The following ZDHHC15 variants were observed in gnomAD, a reference collection of about 807,000 sequenced individuals.
The protein encoded by ZDHHC15 is palmitoyltransferase ZDHHC15.
ZDHHC15 carries 19 observed loss-of-function variants against 31.7 expected under a neutral mutation model. That is an observed-to-expected ratio of 0.60 (90% CI 0.42 to 0.88). The LOEUF (loss-of-function observed/expected upper bound fraction) is 0.88. Ranked by LOEUF, ZDHHC15 falls within the 40% of genes least tolerant of loss-of-function variation. The pLI, the probability that ZDHHC15 is intolerant of heterozygous loss-of-function variation, is 0.00. For synonymous variants in ZDHHC15, 103 were observed against 90.0 expected (o/e 1.14, Z -0.82); for missense variants, 209 against 251.2 (o/e 0.83, Z 1.14).
intron 10 of ZDHHC15, among the ~76,000 whole-genome samples, chrX:75,405,213 AC>A (rs1405767296): frequency 9.0e-6 from 1 of 110,873 alleles, no homozygotes; most frequent in Non-Finnish European, 1.9e-5. Flanking sequence ...AAAAACAGAC[AC>A]TGGTGTCTAC....
At chrX:75,509,695 C>T (rs191095616) in intron 1 of ZDHHC15, among the ~76,000 whole-genome samples, 5 of 112,353 alleles carry the variant, frequency 4.5e-5, no homozygotes, top group East Asian at 5.6e-4. Flanking sequence ...ATCTGTAAAA[C>T]GATAAAATTG....
intron 10 of ZDHHC15, among the ~76,000 whole-genome samples, chrX:75,416,259 C>T (rs961012303): frequency 3.6e-5 from 4 of 111,678 alleles, no homozygotes; most frequent in Non-Finnish European, 7.5e-5. Flanking sequence ...TTGTTCTCTA[C>T]CGCTGCTCCC....
chrX:75,505,896 TG>T, intron 1 of ZDHHC15, 49 bp from the exon 2 acceptor site: 1 of 1,015,119 alleles, frequency 9.9e-7, no homozygotes, highest in Non-Finnish European at 1.4e-6. Context: ...CAGAGATGGA[TG>T]AGAGAGAGAG....
intron 3 of ZDHHC15, among the ~76,000 whole-genome samples, chrX:75,460,167 G>A (rs1004885431): frequency 2.7e-5 from 3 of 111,748 alleles, no homozygotes; most frequent in Non-Finnish European, 5.6e-5. Flanking sequence ...GAGCCACCAC[G>A]ACTGGCCAGA....
chrX:75,465,336 C>T (rs992548798), intron 3 of ZDHHC15, among the ~76,000 whole-genome samples: 8 of 112,138 alleles, frequency 7.1e-5, no homozygotes, highest in African/African-American at 2.6e-4. Context: ...ACATTCCATG[C>T]TCATGAGATA....
At chrX:75,509,250 A>G (rs917554113) in intron 1 of ZDHHC15, among the ~76,000 whole-genome samples, 8 of 111,892 alleles carry the variant, frequency 7.1e-5, no homozygotes, top group African/African-American at 2.6e-4. Flanking sequence ...AGAATGGGAG[A>G]AAATTTTTGC....
intron 11 of ZDHHC15, among the ~76,000 whole-genome samples, chrX:75,373,926 G>GTTTTTTTTTTTTTTTTTTGTTTTTTT: frequency 2.0e-5 from 1 of 50,456 alleles, no homozygotes; most frequent in Non-Finnish European, 3.4e-5. Context: ...CATTCTTTCT[G>GTTTTTTTTTTTTTTTTTTGTTTTTTT]TTTTTTTTTT....
At chrX:75,373,848 T>A (rs1284981059) in intron 11 of ZDHHC15, among the ~76,000 whole-genome samples, 4 of 109,714 alleles carry the variant, frequency 3.6e-5, no homozygotes, top group African/African-American at 9.9e-5. Flanking sequence ...ATAGTTATTT[T>A]AAAATGTACA....
At chrX:75,411,955 C>T (rs889629398) in intron 10 of ZDHHC15, among the ~76,000 whole-genome samples, 4 of 111,801 alleles carry the variant, frequency 3.6e-5, no homozygotes, top group African/African-American at 1.3e-4. Context: ...GATTAAACAA[C>T]GGGTGAAGGA....
At chrX:75,419,563 T>C (rs2083596153) in intron 9 of ZDHHC15, among the ~76,000 whole-genome samples, 1 of 110,862 alleles carries the variant, frequency 9.0e-6, no homozygotes, top group Admixed American at 9.6e-5. Context: ...GATCTAGAAC[T>C]AGAAATACCA....
chrX:75,450,749 C>G (rs1426884291), intron 4 of ZDHHC15, 53 bp downstream of exon 4: 1 of 1,209,540 alleles, frequency 8.3e-7, no homozygotes, highest in Admixed American at 2.2e-5. Context: ...ATGACTTAGC[C>G]TTTCTGAGAT....
intron 10 of ZDHHC15, among the ~76,000 whole-genome samples, chrX:75,380,133 G>A (rs1384737999): frequency 8.9e-6 from 1 of 112,024 alleles, no homozygotes; most frequent in Non-Finnish European, 1.9e-5. Context: ...GAAAGCAAAT[G>A]TATTGGCCTA....
intron 10 of ZDHHC15, among the ~76,000 whole-genome samples, chrX:75,384,104 A>G (rs1449934005): frequency 9.0e-6 from 1 of 111,475 alleles, no homozygotes; most frequent in African/African-American, 3.3e-5. Flanking sequence ...TCAACCAGAC[A>G]GCCATCCTAC....
chrX:75,502,820 T>A (rs1394753680), intron 2 of ZDHHC15, among the ~76,000 whole-genome samples: 1 of 111,272 alleles, frequency 9.0e-6, no homozygotes, highest in African/African-American at 3.3e-5. Flanking sequence ...TGAAATCATC[T>A]ATGCAATATA....
At chrX:75,505,033 G>A (rs992102923) in intron 2 of ZDHHC15, among the ~76,000 whole-genome samples, 8 of 111,533 alleles carry the variant, frequency 7.2e-5, no homozygotes, top group African/African-American at 2.3e-4. Flanking sequence ...TTTGAATTCA[G>A]ACAGTCTAGC....
intron 10 of ZDHHC15, among the ~76,000 whole-genome samples, chrX:75,390,004 A>G (rs897530526): frequency 4.6e-5 from 5 of 108,650 alleles, no homozygotes; most frequent in African/African-American, 1.7e-4. Context: ...TGAGTCCCAG[A>G]TCGGACAGGA....
At chrX:75,383,611 T>C (rs1299369932) in intron 10 of ZDHHC15, among the ~76,000 whole-genome samples, 4 of 111,524 alleles carry the variant, frequency 3.6e-5, no homozygotes, top group African/African-American at 9.8e-5. Flanking sequence ...CTTTGAATTC[T>C]GATAGCACAA....
chrX:75,376,249 A>C (rs2083058306), intron 11 of ZDHHC15, among the ~76,000 whole-genome samples: 1 of 77,982 alleles, frequency 1.3e-5, no homozygotes, highest in Non-Finnish European at 2.7e-5. Flanking sequence ...GCCCATTTTT[A>C]ATGGGGTTGT....
At chrX:75,467,936 T>C (rs1179085010) in intron 3 of ZDHHC15, among the ~76,000 whole-genome samples, 1 of 111,844 alleles carries the variant, frequency 8.9e-6, no homozygotes, top group African/African-American at 3.3e-5. Flanking sequence ...GCCTGGGAAC[T>C]ATTAATTTGA....
Sources: allele counts gnomAD v4.1 joint callset (sites outside exome capture counted in the v4.1 genomes callset), GRCh38; gene constraint gnomAD v4.1.1; transcripts MANE v1.5; gene names NCBI Gene and HGNC (gene_info 2026-07-23, HGNC 2026-07-21).